RAB27A: variants seen among roughly 807,000 people sequenced by gnomAD.
The protein encoded by RAB27A is RAB27A, member RAS oncogene family, also known as ras-related protein Rab-27A.
In RAB27A, 17 loss-of-function variants were observed where a neutral mutation model predicts 20.8. The observed-to-expected ratio is 0.82, with a 90% CI of 0.56 to 1.23. The LOEUF is 1.23. Ranked by LOEUF, RAB27A falls within the 50% of genes most tolerant of loss-of-function variation. The pLI is 0.00. For synonymous variants in RAB27A, 85 were observed against 92.8 expected (o/e 0.92, Z 0.48); for missense variants, 277 against 266.7 (o/e 1.04, Z -0.27).
At chr15:55,313,004 C>T (rs1393154285) in intron 2 of RAB27A, among the ~76,000 whole-genome samples, 1 of 152,120 alleles carries the variant, frequency 6.6e-6, no homozygotes, top group African/African-American at 2.4e-5. Flanking sequence ...AGCCCCGGTC[C>T]CAGAATGAGA....
intron 2 of RAB27A, chr15:55,269,936 A>C (rs549433793): frequency 5.3e-5 from 8 of 152,332 alleles, no homozygotes; most frequent in Admixed American, 1.3e-4. Context: ...CAAGTACAGA[A>C]AAGAAAGGAA....
intron 2 of RAB27A, among the ~76,000 whole-genome samples, chr15:55,239,436 T>C (rs1386915355): frequency 6.6e-6 from 1 of 152,190 alleles, no homozygotes; most frequent in Non-Finnish European, 1.5e-5. Flanking sequence ...TTACCTCATT[T>C]GTAGATATTC....
intron 1 of RAB27A, chr15:55,288,945 G>C (rs1289984895): frequency 6.6e-6 from 1 of 152,164 alleles, no homozygotes; most frequent in Admixed American, 6.5e-5. Context: ...ACATCTGACT[G>C]ATCAACCAAC....
At chr15:55,309,575 G>A (rs986689814) in intron 2 of RAB27A, among the ~76,000 whole-genome samples, 10 of 152,176 alleles carry the variant, frequency 6.6e-5, no homozygotes, top group African/African-American at 2.2e-4. Flanking sequence ...AACAGTCCAG[G>A]TGAGTTGAGA....
At position 55,277,078 on chromosome 15, in the gene RAB27A, C is replaced by T. The variant is rs183619654; in HGVS notation, c.-142-6794G>A. On this transcript the variant is annotated intron_variant, in intron 1 of 6. Coordinates refer to ENST00000336787, the MANE Select transcript of RAB27A (RefSeq NM_183235.3). ...AAACGTAGGAACAAATGAACAAACT[C>T]AGGTAAGAAAGAGGAGATGAAAATG... Among the ~76,000 whole-genome samples, 3 of 152,110 alleles carry T rather than the reference C, an allele frequency of 2.0e-5. No individual in the cohort carries two copies. In the East Asian group the frequency reaches 5.8e-4, roughly 29 times the overall value.
At chr15:55,238,633 C>G (rs1480364471) in intron 2 of RAB27A, 2 of 150,484 alleles carry the variant, frequency 1.3e-5, no homozygotes, top group African/African-American at 5.0e-5. Context: ...TGTGGACGTT[C>G]AGACTGGGTC....
upstream of RAB27A, among the ~76,000 whole-genome samples, chr15:55,293,316 T>C (rs1175135497): frequency 6.6e-6 from 1 of 152,088 alleles, no homozygotes; most frequent in Non-Finnish European, 1.5e-5. Context: ...TGGATGTTGA[T>C]TTCTTAATAT....
chr15:55,294,358 T>C (rs1249989972), upstream of RAB27A, among the ~76,000 whole-genome samples: 1 of 151,956 alleles, frequency 6.6e-6, no homozygotes, highest in African/African-American at 2.4e-5. Flanking sequence ...GAGGCCAACA[T>C]AGGTAGAGCC....
intron 2 of RAB27A, among the ~76,000 whole-genome samples, chr15:55,305,283 C>T (rs986674321): frequency 6.6e-6 from 1 of 152,074 alleles, no homozygotes; most frequent in Non-Finnish European, 1.5e-5. Flanking sequence ...TCCTGCTGAA[C>T]TGGGGCATGG....
At chr15:55,294,542 C>T (rs1169305600), upstream of RAB27A, among the ~76,000 whole-genome samples, 1 of 133,822 alleles carries the variant, frequency 7.5e-6, no homozygotes, top group Non-Finnish European at 1.5e-5. Flanking sequence ...GAGCCAAGAT[C>T]GTGCCACTAC....
intron 6 of RAB27A, among the ~76,000 whole-genome samples, chr15:55,208,925 A>G (rs1338480610): frequency 1.3e-5 from 2 of 152,242 alleles, no homozygotes; most frequent in Non-Finnish European, 2.9e-5. Context: ...AAGTAGATAT[A>G]GTGTGGTTCC....
At chr15:55,315,765 T>C (rs981284088) in intron 1 of RAB27A, among the ~76,000 whole-genome samples, 9 of 152,136 alleles carry the variant, frequency 5.9e-5, no homozygotes, top group African/African-American at 2.2e-4. Flanking sequence ...CAGATGCTGG[T>C]GAGGCTGTGG....
chr15:55,264,530 G>A (rs140097683), intron 2 of RAB27A, among the ~76,000 whole-genome samples: 7 of 152,132 alleles, frequency 4.6e-5, no homozygotes, highest in Admixed American at 4.6e-4. Flanking sequence ...AAATTACGAA[G>A]CATAGGAGGA....
At chr15:55,207,257 A>G (rs1191486014) in intron 6 of RAB27A, among the ~76,000 whole-genome samples, 1 of 152,218 alleles carries the variant, frequency 6.6e-6, no homozygotes, top group Non-Finnish European at 1.5e-5. Flanking sequence ...AAATTGAAAC[A>G]TGCATGCACT....
chr15:55,210,155 A>G (rs1894931068), intron 6 of RAB27A, among the ~76,000 whole-genome samples: 1 of 147,188 alleles, frequency 6.8e-6, no homozygotes, highest in South Asian at 2.1e-4. Flanking sequence ...GTGTATGTAT[A>G]CATACACATA....
intron 2 of RAB27A, among the ~76,000 whole-genome samples, chr15:55,301,541 T>A (rs2054972011): frequency 6.6e-6 from 1 of 152,096 alleles, no homozygotes; most frequent in Non-Finnish European, 1.5e-5. Context: ...CACAATAAAG[T>A]TCACCCTTTA....
At chr15:55,226,079 G>T (rs1392553085) in intron 5 of RAB27A, among the ~76,000 whole-genome samples, 1 of 152,112 alleles carries the variant, frequency 6.6e-6, no homozygotes, top group Non-Finnish European at 1.5e-5. Flanking sequence ...TATACTGTTG[G>T]GTTTTTGCAC....
chr15:55,239,195 C>G (rs1896383333), intron 2 of RAB27A, among the ~76,000 whole-genome samples: 1 of 152,198 alleles, frequency 6.6e-6, no homozygotes, highest in African/African-American at 2.4e-5. Flanking sequence ...GGTTCTACCT[C>G]TATCGAACTG....
intron 6 of RAB27A, among the ~76,000 whole-genome samples, chr15:55,215,543 T>A (rs10220775): frequency 0.04 from 5,903 of 148,706 alleles, 134 homozygotes; most frequent in Non-Finnish European, 0.05. Flanking sequence ...TCCCAGCTAC[T>A]CGGGAGGCTG....
Sources: gnomAD v4.1 joint callset for allele counts (sites outside exome capture counted in the v4.1 genomes callset) on GRCh38, gnomAD v4.1.1 for gene constraint, MANE v1.5 for transcripts, NCBI Gene and HGNC (gene_info 2026-07-23, HGNC 2026-07-21) for gene names.